Variants in MED14 observed in about 807,000 individuals in gnomAD.
MED14 encodes the protein mediator of RNA polymerase II transcription subunit 14.
In MED14, 8 loss-of-function variants were observed where a neutral mutation model predicts 109.0. That is an observed-to-expected ratio of 0.07 (90% CI 0.04 to 0.13). The LOEUF (loss-of-function observed/expected upper bound fraction) is 0.13. Among genes scored for constraint, MED14 ranks in the 10% least tolerant of loss-of-function variants. The pLI, the probability that MED14 is intolerant of heterozygous loss-of-function variation, is 1.00. For synonymous variants in MED14, 399 were observed against 408.7 expected (o/e 0.98, Z 0.29); for missense variants, 711 against 1,142.4 (o/e 0.62, Z 5.44).
intron 3 of MED14, among the ~76,000 whole-genome samples, chrX:40,715,656 C>A (rs181308500): frequency 1.2e-3 from 125 of 108,293 alleles, no homozygotes; most frequent in Non-Finnish European, 2.1e-3. Context: ...CGCGGTGGCA[C>A]GAGCCTGTAG....
intron 28 of MED14, among the ~76,000 whole-genome samples, 186 bp downstream of exon 28, chrX:40,659,041 A>G (rs1468439500): frequency 8.9e-6 from 1 of 112,210 alleles, no homozygotes; most frequent in African/African-American, 3.2e-5. Context: ...TCTTGTTTTA[A>G]ATTCAAAAGA....
At chrX:40,731,429 T>A (rs1160309535) in intron 1 of MED14, among the ~76,000 whole-genome samples, 1 of 111,662 alleles carries the variant, frequency 9.0e-6, no homozygotes, top group Non-Finnish European at 1.9e-5. Flanking sequence ...CCTGACAGTT[T>A]TTAGGGAAAA....
chrX:40,674,738 C>CA (rs1198140116), intron 22 of MED14, among the ~76,000 whole-genome samples: 1 of 112,175 alleles, frequency 8.9e-6, no homozygotes, highest in Admixed American at 9.4e-5. Flanking sequence ...GTTCAACTCT[C>CA]AGACATGTGA....
chrX:40,683,063 A>C (rs1264725670), intron 16 of MED14, 67 bp from the exon 17 acceptor site: 8 of 931,398 alleles, frequency 8.6e-6, no homozygotes, highest in Non-Finnish European at 1.0e-5. Flanking sequence ...ACAATGACAG[A>C]CAAGGTATGA....
Position 40,700,384 on chromosome X carries a change from AAAAAAAAAT to A in MED14, c.1490+772_1490+780del, listed in dbSNP as rs1290059943. Among the ~76,000 whole-genome samples the A allele has an allele frequency of 6.9e-3, 694 of 100,586 alleles. 20 individuals are homozygous for A. The highest frequency in any genetic ancestry group is 0.019 in the African/African-American group (524 of 27,701). 87.3% of individuals were successfully genotyped at this position (100,586 alleles called of 115,157 possible). On this transcript the variant is annotated intron_variant, in intron 12 of 30. Coordinates refer to ENST00000324817, the MANE Select transcript of MED14 (RefSeq NM_004229.4). ...GTCTCAAAAAAAAAAAAAAAAAAAA[AAAAAAAAAT>A]TCATGCCCTGCTAATGAAAACATTA...
intron 1 of MED14, among the ~76,000 whole-genome samples, chrX:40,733,657 T>C (rs1350211395): frequency 1.8e-5 from 2 of 111,728 alleles, no homozygotes; most frequent in Non-Finnish European, 3.8e-5. Flanking sequence ...CTGATGTATG[T>C]AGGATGTGAA....
intron 23 of MED14, among the ~76,000 whole-genome samples, chrX:40,670,220 T>C (rs979352321): frequency 8.9e-6 from 1 of 112,029 alleles, no homozygotes; most frequent in African/African-American, 3.2e-5. Context: ...CAGATTACAA[T>C]GGACTGGTCA....
At chrX:40,668,351 C>G (rs2146631313) in intron 23 of MED14, among the ~76,000 whole-genome samples, 1 of 92,863 alleles carries the variant, frequency 1.1e-5, no homozygotes, top group Admixed American at 1.3e-4. Context: ...CCATGGCACT[C>G]CAGCCTGTAC....
chrX:40,670,339 A>G, intron 23 of MED14, among the ~76,000 whole-genome samples: 1 of 113,137 alleles, frequency 8.8e-6, no homozygotes, highest in Admixed American at 9.3e-5. Flanking sequence ...TTCTCATTTT[A>G]CAAATGGAAT....
intron 13 of MED14, among the ~76,000 whole-genome samples, chrX:40,693,155 C>G (rs142078867): frequency 2.7e-5 from 3 of 111,522 alleles, no homozygotes. Context: ...GGCATTTAAA[C>G]TATTATGTAT....
chrX:40,670,417 A>T (rs1929678166), intron 23 of MED14, among the ~76,000 whole-genome samples: 1 of 112,761 alleles, frequency 8.9e-6, no homozygotes, highest in Non-Finnish European at 1.9e-5. Context: ...GGTCAATACA[A>T]ATTTCTCATA....
chrX:40,688,448 G>T lies in MED14; in HGVS notation c.2057+6C>A, dbSNP rs1420573089. ...GCACCAAGTGAAACATATGACAGGG[G>T]CTTACTTTAATAAGCGAATTGCATG... On this transcript the variant is annotated splice_donor_region_variant and intron_variant, in intron 16 of 30. Coordinates refer to ENST00000324817, the MANE Select transcript of MED14 (RefSeq NM_004229.4). 3 of 1,186,774 alleles carry T rather than the reference G, an allele frequency of 2.5e-6. No individual in the cohort carries two copies. Among genetic ancestry groups the T allele is most frequent in the African/African-American group, 3.5e-5 (2 of 56,821 alleles).
intron 23 of MED14, among the ~76,000 whole-genome samples, chrX:40,670,185 G>A (rs1008445147): frequency 8.9e-6 from 1 of 112,046 alleles, no homozygotes; most frequent in African/African-American, 3.2e-5. Flanking sequence ...GTGGGATGTC[G>A]AGCAGCCCAA....
At chrX:40,729,213 G>T in intron 2 of MED14, 106 bp downstream of exon 2, 1 of 720,713 alleles carries the variant, frequency 1.4e-6, no homozygotes. Flanking sequence ...TAGACTCTTT[G>T]GGCCTAGGTT....
At chrX:40,728,823 C>CT (rs67780857) in intron 2 of MED14, among the ~76,000 whole-genome samples, 9,512 of 103,385 alleles carry the variant, frequency 0.092, 890 homozygotes, top group African/African-American at 0.26. Flanking sequence ...AGCCAACTTT[C>CT]TTTTTTTTTT....
intron 3 of MED14, among the ~76,000 whole-genome samples, chrX:40,721,641 AGGT>A (rs888256600): frequency 3.6e-5 from 4 of 112,370 alleles, no homozygotes; most frequent in Non-Finnish European, 7.5e-5. Flanking sequence ...CCTGGAGTGA[AGGT>A]AAGTGGTAGC....
chrX:40,680,951 AAC>A (rs1325492435), intron 19 of MED14, 41 bp from the exon 20 acceptor site: 1 of 946,461 alleles, frequency 1.1e-6, no homozygotes, highest in Non-Finnish European at 1.5e-6. Context: ...CTGAGAAAGT[AAC>A]AGATTCAAGT....
At chrX:40,720,970 T>C (rs1458563517) in intron 3 of MED14, among the ~76,000 whole-genome samples, 1 of 110,280 alleles carries the variant, frequency 9.1e-6, no homozygotes, top group African/African-American at 3.3e-5. Flanking sequence ...AAAAGAGCCC[T>C]TGGGCCCTGA....
chrX:40,653,131 C>T (rs1928932750), intron 30 of MED14, among the ~76,000 whole-genome samples: 1 of 111,898 alleles, frequency 8.9e-6, no homozygotes, highest in African/African-American at 3.2e-5. Flanking sequence ...TTTTAAATTC[C>T]ACAAGACATA....
Sources: allele counts gnomAD v4.1 joint callset (sites outside exome capture counted in the v4.1 genomes callset), GRCh38; gene constraint gnomAD v4.1.1; transcripts MANE v1.5; gene names NCBI Gene and HGNC (gene_info 2026-07-23, HGNC 2026-07-21).